The following TAFA4 variants were observed in gnomAD, a reference collection of about 807,000 sequenced individuals.
TAFA4 encodes the protein TAFA chemokine like family member 4.
TAFA4 carries 20 observed loss-of-function variants against 21.1 expected under a neutral mutation model. The observed-to-expected ratio is 0.95, with a 90% CI of 0.67 to 1.38. The LOEUF is 1.38. Among genes scored for constraint, TAFA4 ranks in the 40% most tolerant of loss-of-function variants. The pLI is 0.00. For synonymous variants in TAFA4, 71 were observed against 67.4 expected, an observed-to-expected ratio of 1.05 and a Z score of -0.26; for missense variants, 211 against 180.9, an observed-to-expected ratio of 1.17 and a Z score of -0.95.
intron 3 of TAFA4, among the ~76,000 whole-genome samples, chr3:68,868,482 G>A (rs1392886351): frequency 6.6e-6 from 1 of 151,904 alleles, no homozygotes; most frequent in Non-Finnish European, 1.5e-5. Context: ...CATTCTCCAG[G>A]ACAGGTCACA....
At chr3:68,927,382 T>C (rs902279271) in intron 1 of TAFA4, among the ~76,000 whole-genome samples, 1 of 152,060 alleles carries the variant, frequency 6.6e-6, no homozygotes, top group African/African-American at 2.4e-5. Flanking sequence ...ACTAAAAGAA[T>C]CCAAACAGAC....
intron 2 of TAFA4, among the ~76,000 whole-genome samples, chr3:68,884,586 C>A (rs1280868613): frequency 6.6e-6 from 1 of 152,226 alleles, no homozygotes; most frequent in Non-Finnish European, 1.5e-5. Context: ...TCACTTCCCA[C>A]TGGACAAAAA....
intron 1 of TAFA4, among the ~76,000 whole-genome samples, chr3:68,930,772 A>C (rs556800521): frequency 6.6e-6 from 1 of 152,306 alleles, no homozygotes; most frequent in Non-Finnish European, 1.5e-5. Flanking sequence ...TTTCACACTG[A>C]TATGACTATA....
At chr3:68,868,124 C>T (rs948132922) in intron 3 of TAFA4, among the ~76,000 whole-genome samples, 3 of 151,896 alleles carry the variant, frequency 2.0e-5, no homozygotes, top group Admixed American at 1.3e-4. Flanking sequence ...CCTATAAAGA[C>T]ACACATAGAC....
intron 1 of TAFA4, among the ~76,000 whole-genome samples, chr3:68,906,356 A>G (rs1175202413): frequency 6.6e-6 from 1 of 152,092 alleles, no homozygotes; most frequent in East Asian, 1.9e-4. Flanking sequence ...GGGGTCTTTT[A>G]CTCTTGAGGG....
At position 68,813,783 on chromosome 3, in the gene TAFA4, A is replaced by T. The variant is rs530660644; in HGVS notation, c.131-60765T>A. On this transcript the variant is annotated intron_variant, in intron 3 of 5. Coordinates refer to ENST00000295569, the MANE Select transcript of TAFA4 (RefSeq NM_182522.5). ...TCCTTCTGAAACTATTCCAATCAAT[A>T]GAAAAAGAGGGAATCCTCCCTAACT... Among the ~76,000 whole-genome samples, 124 of 152,272 alleles carry T rather than the reference A, an allele frequency of 8.1e-4. 4 individuals are homozygous for T. In the South Asian group the frequency reaches 0.025, roughly 31 times the overall value.
chr3:68,778,153 C>G (rs935072132), intron 3 of TAFA4, among the ~76,000 whole-genome samples: 2 of 152,030 alleles, frequency 1.3e-5, no homozygotes, highest in Middle Eastern at 3.4e-3. Flanking sequence ...TATAAGAAAC[C>G]CACTTTAACT....
intron 3 of TAFA4, among the ~76,000 whole-genome samples, chr3:68,774,001 G>C (rs576175741): frequency 4.6e-5 from 7 of 152,194 alleles, no homozygotes; most frequent in African/African-American, 7.2e-5. Flanking sequence ...TCTGGAGCGA[G>C]AGACCAAACA....
chr3:68,799,122 T>A (rs752659363), intron 3 of TAFA4, among the ~76,000 whole-genome samples: 8 of 152,202 alleles, frequency 5.3e-5, no homozygotes, highest in Admixed American at 1.3e-4. Flanking sequence ...TCCCTCAAGA[T>A]GTTCACGTCC....
At chr3:68,734,098 C>A (rs934135270) in intron 5 of TAFA4, among the ~76,000 whole-genome samples, 4 of 152,134 alleles carry the variant, frequency 2.6e-5, no homozygotes, top group Non-Finnish European at 4.4e-5. Flanking sequence ...ATTTCATTCA[C>A]AAAAGTAGCC....
intron 3 of TAFA4, among the ~76,000 whole-genome samples, chr3:68,835,708 A>G (rs984922025): frequency 2.6e-5 from 4 of 152,224 alleles, no homozygotes; most frequent in Non-Finnish European, 4.4e-5. Context: ...AGGTGACATA[A>G]TTAGGTCACT....
At chr3:68,829,653 T>C (rs931678806) in intron 3 of TAFA4, among the ~76,000 whole-genome samples, 1 of 152,180 alleles carries the variant, frequency 6.6e-6, no homozygotes, top group African/African-American at 2.4e-5. Flanking sequence ...AATTCTCTTT[T>C]TCTGTTGGGT....
intron 5 of TAFA4, among the ~76,000 whole-genome samples, chr3:68,735,782 G>A (rs1369405525): frequency 6.6e-6 from 1 of 152,054 alleles, no homozygotes; most frequent in African/African-American, 2.4e-5. Context: ...TAGGAAGTTT[G>A]CAAAGAGCTA....
At chr3:68,829,964 T>C (rs1269613021) in intron 3 of TAFA4, among the ~76,000 whole-genome samples, 2 of 152,220 alleles carry the variant, frequency 1.3e-5, no homozygotes, top group African/African-American at 2.4e-5. Flanking sequence ...GATTTTCTAG[T>C]TTATTTGCAT....
intron 3 of TAFA4, among the ~76,000 whole-genome samples, chr3:68,801,397 TA>T (rs779191434): frequency 8.5e-5 from 13 of 152,224 alleles, no homozygotes; most frequent in Admixed American, 2.6e-4. Context: ...AGGTCCAGGT[TA>T]AGAACCACCC....
chr3:68,795,541 C>T (rs1014549425), intron 3 of TAFA4, among the ~76,000 whole-genome samples: 6 of 152,074 alleles, frequency 3.9e-5, no homozygotes, highest in South Asian at 2.1e-4. Context: ...GGTGTTCTGC[C>T]GTATTGACTA....
At chr3:68,785,037 T>C (rs1019025521) in intron 3 of TAFA4, among the ~76,000 whole-genome samples, 3 of 149,792 alleles carry the variant, frequency 2.0e-5, no homozygotes, top group Non-Finnish European at 4.5e-5. Flanking sequence ...TTACAGTCCC[T>C]GACCTAGACA....
At chr3:68,834,392 T>G (rs1470338183) in intron 3 of TAFA4, among the ~76,000 whole-genome samples, 1 of 152,194 alleles carries the variant, frequency 6.6e-6, no homozygotes, top group African/African-American at 2.4e-5. Flanking sequence ...TTTTGTTAAT[T>G]TATCTGTTGG....
intron 3 of TAFA4, among the ~76,000 whole-genome samples, chr3:68,833,504 C>G (rs935427227): frequency 6.6e-5 from 10 of 151,952 alleles, no homozygotes; most frequent in Admixed American, 5.9e-4. Context: ...ATAAAAGGAC[C>G]AATATAAAGA....
Sources: gnomAD v4.1 joint callset for allele counts (sites outside exome capture counted in the v4.1 genomes callset) on GRCh38, gnomAD v4.1.1 for gene constraint, MANE v1.5 for transcripts, NCBI Gene and HGNC (gene_info 2026-07-23, HGNC 2026-07-21) for gene names.